The following HELZ2 variants were observed in gnomAD, a reference collection of about 807,000 sequenced individuals.
HELZ2 encodes the protein helicase with zinc finger 2.
A neutral mutation model predicts 208.8 loss-of-function variants in HELZ2; 143 were observed. The observed-to-expected ratio is 0.68, with a 90% CI of 0.60 to 0.79. The LOEUF is 0.79. Among genes scored for constraint, HELZ2 ranks in the 30% least tolerant of loss-of-function variants. The pLI, the probability that HELZ2 is intolerant of heterozygous loss-of-function variation, is 0.00. For missense variants in HELZ2, 3,690 were observed against 3,794.5 expected, an observed-to-expected ratio of 0.97 and a Z score of 0.72; for synonymous variants, 1,705 against 1,693.7, an observed-to-expected ratio of 1.01 and a Z score of -0.16.
At position 63,560,101 on chromosome 20, in the gene HELZ2, G is replaced by C. The variant is rs763841926; in HGVS notation, c.7658-6C>G. 6.3e-7 allele frequency: 1 copy of C among 1,586,414 alleles called. No homozygotes were observed. The highest frequency in any genetic ancestry group is 1.1e-5 in the South Asian group (1 of 88,856). On this transcript the variant is annotated splice_polypyrimidine_tract_variant and splice_region_variant and intron_variant, in intron 17 of 18. Coordinates refer to ENST00000467148, the Ensembl canonical transcript of HELZ2. ...CACATAGCGCCACTCGCTCCCTGCG[G>C]GATGGGAGGTGAGGCCCTGCTGCCG...
intron 3 of HELZ2, chr20:63,570,214 T>G (rs1380458044): frequency 5.5e-6 from 3 of 545,408 alleles, no homozygotes; most frequent in South Asian, 3.1e-5. Context: ...CCTGCCTCGG[T>G]CTCCCAAAGT....
In HELZ2 at chr20:63,570,790, C is replaced by T. The variant is rs199551749; in HGVS notation, c.357G>A (p.Thr119=). ...CCTGCCCCCGCAGCTCCACAGCCTG[C>T]GTGCGCCGGACCCACTCCTGCAGCT... is the stretch of plus-strand genomic sequence containing the variant. The change falls in exon 2 of 19, where the codon ACG becomes ACA. Residue 119 remains threonine (T), a synonymous_variant. Transcript: ENST00000467148. The T allele has an allele frequency of 1.9e-5, 30 of 1,610,860 alleles. No homozygotes were observed. The Admixed American group carries it at 3.0e-4, about 16-fold the overall frequency.
chr20:63,564,776 C>T (rs897641727), exon 8 of HELZ2: 3 of 1,611,902 alleles, frequency 1.9e-6, no homozygotes, highest in African/African-American at 1.3e-5. Flanking sequence ...GTTGCAGGCG[C>T]CCTGGGGGTC....
In HELZ2 at chr20:63,560,976, G is replaced by A. The variant is rs1467803587; in HGVS notation, c.7147-47C>T. 4 of 1,602,956 alleles carry A rather than the reference G, an allele frequency of 2.5e-6. No homozygotes were observed. The South Asian group carries it at 4.4e-5, about 18-fold the overall frequency. On this transcript the variant is annotated intron_variant, in intron 14 of 18. Transcript: ENST00000467148. ...GCCCTGACACCCCTAGACCCAGAGG[G>A]ACCCCAGCCCCACACGACACCCGCG...
At chr20:63,561,150 C>A in exon 14 of HELZ2, 1 of 1,613,068 alleles carries the variant, frequency 6.2e-7, no homozygotes, top group Non-Finnish European at 8.5e-7. Context: ...CCTGCCTCGT[C>A]AACAAGGATC....
chr20:63,567,086 A>G (rs762201338), exon 6 of HELZ2: 1 of 1,612,226 alleles, frequency 6.2e-7, no homozygotes, highest in South Asian at 1.1e-5. Flanking sequence ...TTGGCCACGT[A>G]GAAGTGCCGC....
At chr20:63,566,793 C>T in intron 6 of HELZ2, 51 bp downstream of exon 7, 1 of 1,513,694 alleles carries the variant, frequency 6.6e-7, no homozygotes, top group East Asian at 2.3e-5. Context: ...AGAGCTCCCC[C>T]TCCCCCAGCA....
exon 1 of HELZ2, chr20:63,572,413 G>A: frequency 6.8e-7 from 1 of 1,477,510 alleles, no homozygotes; most frequent in South Asian, 1.3e-5. Context: ...CAAACTGGCA[G>A]CGGGACTCCC....
intron 5 of HELZ2, 41 bp downstream of exon 6, chr20:63,568,317 G>A (rs761049978): frequency 1.6e-5 from 23 of 1,470,138 alleles, no homozygotes; most frequent in Admixed American, 1.4e-4. Context: ...GACTTGGGCC[G>A]GGCGTCAGGT....
chr20:63,570,219 C>T, intron 3 of HELZ2: 1 of 567,420 alleles, frequency 1.8e-6, no homozygotes, highest in South Asian at 1.5e-5. Flanking sequence ...CTCGGTCTCC[C>T]AAAGTGCTGG....
chr20:63,559,180 G>A (rs980630645), downstream of HELZ2: 24 of 1,443,964 alleles, frequency 1.7e-5, no homozygotes, highest in East Asian at 1.3e-4. Context: ...GGAGGGTGGT[G>A]GGGAGGGTGG....
At chr20:63,564,711 G>A in exon 8 of HELZ2, 1 of 1,607,910 alleles carries the variant, frequency 6.2e-7, no homozygotes, top group Non-Finnish European at 8.5e-7. Context: ...TCAGTGATGT[G>A]CACAGCCACC....
At chr20:63,560,966 G>C in intron 14 of HELZ2, 37 bp from the exon 16 acceptor site, 1 of 1,604,760 alleles carries the variant, frequency 6.2e-7, no homozygotes, top group Non-Finnish European at 8.5e-7. Flanking sequence ...GACACCCCTA[G>C]ACCCAGAGGG....
At chr20:63,564,782 G>A (rs1350132853) in exon 8 of HELZ2, 3 of 1,611,836 alleles carry the variant, frequency 1.9e-6, no homozygotes, top group Non-Finnish European at 2.5e-6. Context: ...GGCGCCCTGG[G>A]GGTCCACAGT....
chr20:63,572,425 A>G, exon 1 of HELZ2: 1 of 1,457,614 alleles, frequency 6.9e-7, no homozygotes, highest in Non-Finnish European at 9.0e-7. Context: ...GGGACTCCCC[A>G]CGCCAGCACG....
chr20:63,565,896 C>T, exon 8 of HELZ2: 1 of 1,597,182 alleles, frequency 6.3e-7, no homozygotes. Flanking sequence ...TCTGGGGCAG[C>T]CTCCCAGTTC....
Position 63,563,300 on chromosome 20 carries a change from G to A in HELZ2, c.5522C>T (p.Pro1841Leu), listed in dbSNP as rs780927437. Residue 1841 changes from proline to leucine, a missense_variant, in exon 8 of 19, where the codon CCG becomes CTG. This residue lies in a region of HELZ2 where 2,564 missense variants were observed against 2,580.5 expected (regional missense o/e 0.99). Coordinates refer to ENST00000467148, the Ensembl canonical transcript of HELZ2. ...CTCCTGGATGAGAGCAGCCGCCTCC[G>A]GCCAGCGCTGCAGCTCCACCAGCTC... is the stretch of plus-strand genomic sequence containing the variant. 3.2e-5 allele frequency: 49 copies of A among 1,546,366 alleles called. No homozygotes were observed. Among genetic ancestry groups the A allele is most frequent in the South Asian group, 5.9e-5 (5 of 84,882 alleles).
At chr20:63,572,526 C>T, upstream of HELZ2, 1 of 937,818 alleles carries the variant, frequency 1.1e-6, no homozygotes, top group South Asian at 1.8e-5. Context: ...TTGCGGCGGC[C>T]CTCGGCGCTC....
exon 4 of HELZ2, chr20:63,569,391 T>G: frequency 6.2e-7 from 1 of 1,609,416 alleles, no homozygotes; most frequent in South Asian, 1.1e-5. Flanking sequence ...GAGCGCCAGA[T>G]TCCTGCAGGG....
Sources: gnomAD v4.1 joint callset for allele counts on GRCh38, gnomAD v4.1.1 for gene constraint, gnomAD v4.1.1 regional missense constraint, MANE v1.5 for transcripts, NCBI Gene and HGNC (gene_info 2026-07-23, HGNC 2026-07-21) for gene names.